Variants in GAL observed in about 807,000 individuals in gnomAD.
GAL encodes galanin peptides.
Under a neutral mutation model 15.8 loss-of-function variants are expected in GAL, and 14 were observed. That is an observed-to-expected ratio of 0.89 (90% CI 0.59 to 1.39). The LOEUF is 1.39. Among genes scored for constraint, GAL ranks in the 40% most tolerant of loss-of-function variants. The pLI is 0.00. For synonymous variants in GAL, 79 were observed against 73.8 expected, an observed-to-expected ratio of 1.07 and a Z score of -0.36; for missense variants, 176 against 170.4, an observed-to-expected ratio of 1.03 and a Z score of -0.18.
At position 68,684,708 on chromosome 11, in the gene GAL, A is replaced by G; in HGVS notation, c.-25A>G. ...ACCGCACCCGGACCCCGACGCTCCG[A>G]ACCCGGGCGCAGCCGCAGCTCAAGG... On this transcript the variant is annotated 5_prime_UTR_variant, in exon 1 of 6. Coordinates refer to ENST00000265643, the MANE Select transcript of GAL (RefSeq NM_015973.5). 2.4e-6 allele frequency: 1 copy of G among 419,348 alleles called. No homozygotes were observed. Among genetic ancestry groups the G allele is most frequent in the Non-Finnish European group, 4.2e-6 (1 of 237,300 alleles). 26.0% of individuals were successfully genotyped at this position (419,348 alleles called of 1,614,324 possible).
chr11:68,684,903 C>T (rs1349042763), intron 1 of GAL, 21 bp from the exon 2 acceptor site: 5 of 1,542,080 alleles, frequency 3.2e-6, no homozygotes, highest in Non-Finnish European at 4.5e-6. Flanking sequence ...CCGACCCGCC[C>T]GCCCTGTCCT....
intron 3 of GAL, among the ~76,000 whole-genome samples, chr11:68,685,923 C>T (rs1270588496): frequency 6.6e-6 from 1 of 152,204 alleles, no homozygotes; most frequent in Non-Finnish European, 1.5e-5. Context: ...TCCTTACAGG[C>T]CCTGTTCTGG....
At chr11:68,685,843 C>A (rs1015277127) in intron 3 of GAL, among the ~76,000 whole-genome samples, 195 bp downstream of exon 3, 1 of 152,200 alleles carries the variant, frequency 6.6e-6, no homozygotes. Flanking sequence ...CCGGCTCTGC[C>A]GCCCTGTCCC....
At chr11:68,686,369 C>A (rs1217679486) in intron 3 of GAL, among the ~76,000 whole-genome samples, 5 of 152,354 alleles carry the variant, frequency 3.3e-5, no homozygotes, top group African/African-American at 1.2e-4. Flanking sequence ...AACTCACCTT[C>A]CCCTCCACAC....
Position 68,690,986 on chromosome 11 carries a change from G to A in GAL, c.371G>A (p.Ter124=). The change falls in exon 6 of 6, where the codon TGA becomes TAA. Residue 124 remains the stop codon, a stop_retained_variant. Coordinates refer to ENST00000265643, the MANE Select transcript of GAL (RefSeq NM_015973.5). Reference sequence around the variant, plus strand: ...TCCTCAGAAGACATCGAGCGGTCCTGAGAGCCTCCTGGGCATGTTTGTCTG... The same window carrying A: ...TCCTCAGAAGACATCGAGCGGTCCTAAGAGCCTCCTGGGCATGTTTGTCTG... The part of the protein sequence containing the change: ...AASSEDIERS[*] 1 of 1,605,794 alleles carries A rather than the reference G, an allele frequency of 6.2e-7. No individual in the cohort carries two copies. The highest frequency in any genetic ancestry group is 8.5e-7 in the Non-Finnish European group (1 of 1,172,576).
intron 3 of GAL, among the ~76,000 whole-genome samples, chr11:68,687,595 C>G (rs1945865713): frequency 6.6e-6 from 1 of 152,190 alleles, no homozygotes; most frequent in Admixed American, 6.5e-5. Flanking sequence ...TTAAACTCTT[C>G]AGCGTCCCCC....
chr11:68,689,966 G>A (rs540307458), intron 5 of GAL, among the ~76,000 whole-genome samples: 66 of 152,372 alleles, frequency 4.3e-4, no homozygotes, highest in Non-Finnish European at 5.0e-4. Context: ...AAGCGGCCCC[G>A]GTGCTCTGAG....
chr11:68,689,011 C>G (rs1945881172), intron 5 of GAL, 85 bp downstream of exon 5: 1 of 726,442 alleles, frequency 1.4e-6, no homozygotes, highest in Non-Finnish European at 2.5e-6. Flanking sequence ...CCCATAGAAT[C>G]CCCCTGGGAA....
Position 68,688,987 on chromosome 11 carries a change from C to T in GAL, c.301+61C>T. ...TAGTACACTGGAAACGTAAAAGGCC[C>T]ATCGAGAAGAGAACCCATAGAATCC... On this transcript the variant is annotated intron_variant, in intron 5 of 5. Coordinates refer to ENST00000265643, the MANE Select transcript of GAL (RefSeq NM_015973.5). 4 of 826,084 alleles carry T rather than the reference C, an allele frequency of 4.8e-6. No individual in the cohort carries two copies. In the Admixed American group the frequency reaches 7.5e-5, roughly 15 times the overall value. The allele number at this position is 826,084 out of a possible 1,614,324, so 51.2% of individuals were successfully genotyped here. A position where few individuals can be genotyped will look rare whatever the true frequency, so the allele number is the denominator to read the frequency against.
In GAL at chr11:68,684,644, G is replaced by A. The variant is rs1016951320; in HGVS notation, c.-89G>A. 3.3e-5 allele frequency: 10 copies of A among 305,606 alleles called. No homozygotes were observed. In the South Asian group the frequency reaches 9.9e-4, roughly 30 times the overall value. 18.9% of individuals were successfully genotyped at this position (305,606 alleles called of 1,614,324 possible). ...CGCCCCAGGCCGCCAGAGCCCACCC[G>A]ACCCGGCCCGACGCCCGGACCTGCC... On this transcript the variant is annotated 5_prime_UTR_variant, in exon 1 of 6. Transcript: ENST00000265643.
At chr11:68,684,754 C>G in intron 1 of GAL, 22 bp downstream of exon 1, 2 of 521,370 alleles carry the variant, frequency 3.8e-6, no homozygotes, top group Non-Finnish European at 3.4e-6. Context: ...GCCGGGCCGA[C>G]CCTGCGCCCC....
chr11:68,690,850 C>T (rs956496448), intron 5 of GAL, 67 bp from the exon 6 acceptor site: 10 of 1,000,360 alleles, frequency 1.0e-5, no homozygotes, highest in South Asian at 3.8e-5. Context: ...TAGCATGTGT[C>T]GTGGTTGTAA....
rs567271827 is a variant in GAL at position 68,685,779 on chromosome 11, C to A, written c.136+131C>A. 21 of 705,642 alleles carry A rather than the reference C, an allele frequency of 3.0e-5. No homozygotes were observed. The Admixed American group carries it at 4.3e-4, about 14-fold the overall frequency. The allele number at this position is 705,642 out of a possible 1,614,324, so 43.7% of individuals were successfully genotyped here. On this transcript the variant is annotated intron_variant, in intron 3 of 5. Coordinates refer to ENST00000265643, the MANE Select transcript of GAL (RefSeq NM_015973.5). ...CCCTCTTGACCTCATTGCCCGTCTC[C>A]ATTGCTCTGCACACTTGATCTGTGT... is the stretch of plus-strand genomic sequence containing the variant.
chr11:68,684,971 G>C lies in GAL; in HGVS notation c.48G>C (p.Ala16=), dbSNP rs1271190969. Residue 16 remains alanine, a synonymous_variant, in exon 2 of 6, where the codon GCG becomes GCC. Transcript: ENST00000265643. ...ALLLASLLLA[A]ALSASAGLWS... ...TGCTCGCCTCCCTCCTCCTCGCCGC[G>C]GCCCTTTCTGCCTCTGCGGGGCTCT... 1 of 1,608,354 alleles carries C rather than the reference G, an allele frequency of 6.2e-7. No individual in the cohort carries two copies. The highest frequency in any genetic ancestry group is 8.5e-7 in the Non-Finnish European group (1 of 1,177,874).
Position 68,688,880 on chromosome 11 carries a change from TATC to T in GAL, c.258_260del (p.Ile86del). On this transcript the variant is annotated inframe_deletion, in exon 5 of 6. Coordinates refer to ENST00000265643, the MANE Select transcript of GAL (RefSeq NM_015973.5). The stretch of plus-strand genomic sequence containing the variant: ...TTGACAGGTCCATACCTGAAAACAA[TATC>T]ATGCGCACAATCATTGAGTTTCTGT... 7 of 1,573,008 alleles carry T rather than the reference TATC, an allele frequency of 4.5e-6. No individual in the cohort carries two copies. The highest frequency in any genetic ancestry group is 5.3e-6 in the Non-Finnish European group (6 of 1,142,510).
intron 4 of GAL, 103 bp downstream of exon 4, chr11:68,688,203 C>T (rs1945872690): frequency 1.3e-6 from 1 of 741,730 alleles, no homozygotes; most frequent in African/African-American, 1.7e-5. Context: ...ACAGCTGCAG[C>T]CCAAGCCTGG....
rs1422435013 is a variant in GAL at position 68,690,995 on chromosome 11, C to A, written c.*8C>A. The stretch of plus-strand genomic sequence containing the variant: ...GACATCGAGCGGTCCTGAGAGCCTC[C>A]TGGGCATGTTTGTCTGTGTGCTGTA... On this transcript the variant is annotated 3_prime_UTR_variant, in exon 6 of 6. Transcript: ENST00000265643. 5 of 1,586,110 alleles carry A rather than the reference C, an allele frequency of 3.2e-6. No homozygotes were observed. Among genetic ancestry groups the A allele is most frequent in the Non-Finnish European group, 4.3e-6 (5 of 1,154,618 alleles).
At position 68,691,154 on chromosome 11, in the gene GAL, G is replaced by A; in HGVS notation, c.*167G>A. ...TTTTTTTTGGTAATTATTTTGAGTG[G>A]CAAAATAAAGAATAGCAATTACTTG... On this transcript the variant is annotated 3_prime_UTR_variant, in exon 6 of 6. Coordinates refer to ENST00000265643, the MANE Select transcript of GAL (RefSeq NM_015973.5). 1.0e-5 allele frequency: 6 copies of A among 573,946 alleles called. No homozygotes were observed. Among genetic ancestry groups the A allele is most frequent in the South Asian group, 9.2e-5 (4 of 43,504 alleles). The allele number at this position is 573,946 out of a possible 1,614,324, so 35.6% of individuals were successfully genotyped here. A position where few individuals can be genotyped will look rare whatever the true frequency, so the allele number is the denominator to read the frequency against.
chr11:68,691,089 C>A lies in GAL; in HGVS notation c.*102C>A. On this transcript the variant is annotated 3_prime_UTR_variant, in exon 6 of 6. Coordinates refer to ENST00000265643, the MANE Select transcript of GAL (RefSeq NM_015973.5). The stretch of plus-strand genomic sequence containing the variant: ...TTATGCAGAGTCAGCCATTCCTGTT[C>A]TCTTTGCCTTGATGTTGTGTTGTTA... 1 of 755,554 alleles carries A rather than the reference C, an allele frequency of 1.3e-6. No individual in the cohort carries two copies. Among genetic ancestry groups the A allele is most frequent in the Non-Finnish European group, 2.4e-6 (1 of 422,210 alleles). The allele number at this position is 755,554 out of a possible 1,614,324, so 46.8% of individuals were successfully genotyped here.
Sources: allele counts gnomAD v4.1 joint callset (sites outside exome capture counted in the v4.1 genomes callset), GRCh38; gene constraint gnomAD v4.1.1; transcripts MANE v1.5; gene names NCBI Gene and HGNC (gene_info 2026-07-23, HGNC 2026-07-21).